Variants in IL34 observed in about 807,000 individuals in gnomAD.
The protein encoded by IL34 is interleukin-34.
In IL34, 17 loss-of-function variants were observed where a neutral mutation model predicts 25.3. The ratio of observed to expected loss-of-function variants is 0.67; its 90% CI spans 0.46 to 1.01. IL34 has a LOEUF of 1.01. Ranked by LOEUF, IL34 falls within the 50% of genes least tolerant of loss-of-function variation. IL34 has a pLI of 0.00. For missense variants in IL34, 368 were observed against 312.9 expected (o/e 1.18, Z -1.33); for synonymous variants, 174 against 140.9 (o/e 1.23, Z -1.66).
chr16:70,622,865 T>A (rs4985539), intron 1 of IL34, among the ~76,000 whole-genome samples: 70,392 of 151,418 alleles, frequency 0.46, 16,739 homozygotes, highest in South Asian at 0.63. Flanking sequence ...AAAGTATTAA[T>A]GCAGCGGCAC....
rs750885586 is a variant in IL34, at chr16:70,659,680, C to T, written c.465C>T (p.Asn155=). 1 of 1,613,122 alleles carries T rather than the reference C, an allele frequency of 6.2e-7. No homozygotes were observed. The highest frequency in any genetic ancestry group is 8.5e-7 in the Non-Finnish European group (1 of 1,179,638). The change falls in exon 5 of 6, where the codon AAC becomes AAT. Residue 155 remains asparagine, a synonymous_variant. Transcript: ENST00000288098. ...VLSLLNAPGP[N]LKLVRPKALL... is the part of the protein sequence containing the mutation. ...CCCTCTTGAATGCCCCAGGGCCAAA[C>T]CTGAAGCTGGTGCGGCCCAAAGCCC...
intron 1 of IL34, among the ~76,000 whole-genome samples, chr16:70,630,277 G>A (rs1004019478): frequency 2.0e-5 from 3 of 151,746 alleles, no homozygotes; most frequent in African/African-American, 4.8e-5. Flanking sequence ...TCTCTCTGTC[G>A]CACAGGCTGG....
chr16:70,599,054 G>A (rs1202699230), intron 1 of IL34, among the ~76,000 whole-genome samples: 1 of 152,176 alleles, frequency 6.6e-6, no homozygotes, highest in Non-Finnish European at 1.5e-5. Flanking sequence ...GGCAAGGCTA[G>A]GGTCATGCAT....
At chr16:70,623,549 C>T (rs563696844) in intron 1 of IL34, among the ~76,000 whole-genome samples, 3 of 152,062 alleles carry the variant, frequency 2.0e-5, no homozygotes, top group East Asian at 1.9e-4. Flanking sequence ...TGGCATTGAA[C>T]AGGGTAAGGG....
chr16:70,612,420 T>A lies in IL34; in HGVS notation c.-401+32371T>A, dbSNP rs138301557. On this transcript the variant is annotated intron_variant, in intron 1 of 6. Transcript: ENST00000429149. ...ACGGTGCAGAGGCCAAGGCCCAAGC[T>A]GTGGTTCATCCAAGGCTGTGCTCCC... Among the ~76,000 whole-genome samples the A allele has an allele frequency of 4.3e-3, 649 of 152,290 alleles. 4 individuals carry two copies. The highest frequency in any genetic ancestry group is 0.015 in the African/African-American group (617 of 41,562).
chr16:70,618,880 G>A (rs1597750329), intron 1 of IL34, among the ~76,000 whole-genome samples: 1 of 152,132 alleles, frequency 6.6e-6, no homozygotes, highest in Non-Finnish European at 1.5e-5. Context: ...CTTGATGGGG[G>A]TCAGGGTCAG....
At position 70,660,457 on chromosome 16, in the gene IL34, C is replaced by T. The variant is rs908793698; in HGVS notation, c.*270C>T. ...TCCTGGCTTCTCCTGGTGCTGCCCT[C>T]ACTGTCCCCCCGCCTAAAGGGGGTA... On this transcript the variant is annotated 3_prime_UTR_variant, in exon 6 of 6. Transcript: ENST00000288098. 1.3e-5 allele frequency: 5 copies of T among 390,002 alleles called. No individual in the cohort carries two copies. Among genetic ancestry groups the T allele is most frequent in the African/African-American group, 1.0e-4 (5 of 48,442 alleles). 24.2% of individuals were successfully genotyped at this position (390,002 alleles called of 1,614,324 possible).
chr16:70,618,453 G>T (rs759594482), intron 1 of IL34, among the ~76,000 whole-genome samples: 3 of 152,146 alleles, frequency 2.0e-5, no homozygotes, highest in Non-Finnish European at 4.4e-5. Flanking sequence ...AATTATATGC[G>T]TCAGGTATGA....
chr16:70,599,210 C>T (rs2050868666), intron 1 of IL34, among the ~76,000 whole-genome samples: 1 of 152,054 alleles, frequency 6.6e-6, no homozygotes, highest in Non-Finnish European at 1.5e-5. Context: ...CAGAAATGAG[C>T]AAATAGGCCT....
intron 1 of IL34, among the ~76,000 whole-genome samples, chr16:70,613,123 G>A (rs2051115972): frequency 6.6e-6 from 1 of 152,176 alleles, no homozygotes; most frequent in South Asian, 2.1e-4. Flanking sequence ...GGTTCCCACA[G>A]CAGGGCCGGT....
chr16:70,605,100 G>A (rs2050982591), intron 1 of IL34, among the ~76,000 whole-genome samples: 6 of 152,150 alleles, frequency 3.9e-5, no homozygotes, highest in Admixed American at 3.9e-4. Context: ...AGTCATCAGG[G>A]AGAGAGGTGG....
At chr16:70,581,511 G>A in intron 1 of IL34, among the ~76,000 whole-genome samples, 1 of 151,726 alleles carries the variant, frequency 6.6e-6, no homozygotes, top group East Asian at 1.9e-4. Context: ...CATTTTTGAA[G>A]CTCAGCTCAC....
At chr16:70,599,265 G>GTTTCTTTCTTTCTTTCTTTC (rs748787068) in intron 1 of IL34, among the ~76,000 whole-genome samples, 9 of 139,068 alleles carry the variant, frequency 6.5e-5, no homozygotes, top group South Asian at 5.1e-4. Context: ...GTCAAGAACT[G>GTTTCTTTCTTTCTTTCTTTC]TTTCTTTCTT....
intron 1 of IL34, among the ~76,000 whole-genome samples, chr16:70,580,408 CTATA>C (rs1030183663): frequency 4.6e-5 from 7 of 152,246 alleles, no homozygotes; most frequent in African/African-American, 1.7e-4. Context: ...CGCTGCTCCA[CTATA>C]TATTGCCGTA....
intron 1 of IL34, among the ~76,000 whole-genome samples, chr16:70,638,596 A>G (rs538121834): frequency 6.6e-6 from 1 of 151,718 alleles, no homozygotes; most frequent in East Asian, 1.9e-4. Context: ...ATGATATTTT[A>G]TACTTATTTA....
At chr16:70,591,063 C>G (rs543872378) in intron 1 of IL34, among the ~76,000 whole-genome samples, 1 of 152,212 alleles carries the variant, frequency 6.6e-6, no homozygotes, top group Non-Finnish European at 1.5e-5. Flanking sequence ...CCATGCCAAG[C>G]GAGACTGGGA....
chr16:70,613,471 C>T (rs1023166102), intron 1 of IL34, among the ~76,000 whole-genome samples: 11 of 152,168 alleles, frequency 7.2e-5, no homozygotes, highest in African/African-American at 1.4e-4. Context: ...TTTTCCAAGG[C>T]GCAGTTTCCT....
chr16:70,615,074 CAG>C (rs965440969), intron 1 of IL34, among the ~76,000 whole-genome samples: 1 of 152,204 alleles, frequency 6.6e-6, no homozygotes, highest in African/African-American at 2.4e-5. Context: ...CTCAGGAAAA[CAG>C]AAACTCCTGA....
chr16:70,623,121 T>C (rs1422761784), intron 1 of IL34, among the ~76,000 whole-genome samples: 1 of 151,914 alleles, frequency 6.6e-6, no homozygotes, highest in African/African-American at 2.4e-5. Context: ...AGGATGAAAT[T>C]TGGGCTTGAT....
Sources: gnomAD v4.1 joint callset for allele counts (sites outside exome capture counted in the v4.1 genomes callset) on GRCh38, gnomAD v4.1.1 for gene constraint, MANE v1.5 for transcripts, NCBI Gene and HGNC (gene_info 2026-07-23, HGNC 2026-07-21) for gene names.